EML5: variants seen among roughly 807,000 people sequenced by gnomAD.
The protein encoded by EML5 is EMAP like 5, also known as echinoderm microtubule-associated protein-like 5.
Under a neutral mutation model 250.0 loss-of-function variants are expected in EML5, and 120 were observed. That is an observed-to-expected ratio of 0.48 (90% CI 0.41 to 0.56). The LOEUF (loss-of-function observed/expected upper bound fraction) is 0.56, where lower values mean the gene tolerates loss of function less well. Ranked by LOEUF, EML5 falls within the 20% of genes least tolerant of loss-of-function variation. The probability of loss-of-function intolerance (pLI) is 0.00; values close to 1 mark genes in which losing one functional copy is unlikely to be tolerated. For synonymous variants in EML5, 771 were observed against 806.5 expected (o/e 0.96, Z 0.75); for missense variants, 2,006 against 2,437.6 (o/e 0.82, Z 3.73).
At chr14:88,685,180 G>A (rs2092804029) in intron 19 of EML5, 38 bp from the exon 20 acceptor site, 5 of 1,556,176 alleles carry the variant, frequency 3.2e-6, no homozygotes, top group African/African-American at 1.4e-5. Context: ...TAGACATACA[G>A]TTACTATAAT....
At chr14:88,721,327 G>A (rs1441704106) in intron 8 of EML5, among the ~76,000 whole-genome samples, 1 of 152,112 alleles carries the variant, frequency 6.6e-6, no homozygotes, top group Non-Finnish European at 1.5e-5. Context: ...TAAGCAAAAA[G>A]AACAAGGCAG....
At chr14:88,775,104 G>C (rs1474465141) in intron 1 of EML5, among the ~76,000 whole-genome samples, 1 of 150,344 alleles carries the variant, frequency 6.7e-6, no homozygotes, top group Non-Finnish European at 1.5e-5. Context: ...TGAATAACCA[G>C]TAGCAATACC....
intron 25 of EML5, 64 bp downstream of exon 25, chr14:88,661,590 C>T: frequency 7.0e-7 from 1 of 1,419,912 alleles, no homozygotes; most frequent in East Asian, 2.4e-5. Context: ...AGTGCTATGA[C>T]AGGACATTAC....
intron 41 of EML5, chr14:88,617,150 C>CTTT (rs1358683137): frequency 1.6e-5 from 3 of 185,012 alleles, no homozygotes; most frequent in Non-Finnish European, 3.3e-5. Context: ...ACTATTTTTT[C>CTTT]TTTTTTTTTT....
chr14:88,697,302 A>G (rs1046399645), intron 14 of EML5, among the ~76,000 whole-genome samples: 1 of 152,210 alleles, frequency 6.6e-6, no homozygotes, highest in Non-Finnish European at 1.5e-5. Flanking sequence ...CTCACTGGAA[A>G]AACAGGACAT....
At chr14:88,710,361 G>C (rs1736274053) in intron 10 of EML5, among the ~76,000 whole-genome samples, 1 of 152,054 alleles carries the variant, frequency 6.6e-6, no homozygotes, top group Non-Finnish European at 1.5e-5. Flanking sequence ...ATTATTTAAA[G>C]TCCACATTTT....
At chr14:88,694,193 G>A in intron 17 of EML5, 114 bp downstream of exon 17, 2 of 673,504 alleles carry the variant, frequency 3.0e-6, no homozygotes, top group East Asian at 2.8e-5. Flanking sequence ...TTCTCCTAGT[G>A]TTCCTGCTCT....
chr14:88,717,444 C>T (rs1032324151), intron 8 of EML5, among the ~76,000 whole-genome samples: 5 of 152,104 alleles, frequency 3.3e-5, no homozygotes, highest in African/African-American at 1.2e-4. Context: ...CCAGTCAAAT[C>T]ACTGATTTGG....
At chr14:88,640,553 A>G (rs1237668790) in intron 31 of EML5, among the ~76,000 whole-genome samples, 1 of 152,230 alleles carries the variant, frequency 6.6e-6, no homozygotes, top group Non-Finnish European at 1.5e-5. Flanking sequence ...TAGCAAAAGC[A>G]TGTTAAATGT....
chr14:88,725,307 T>G (rs1039656106), intron 8 of EML5, among the ~76,000 whole-genome samples: 6 of 152,126 alleles, frequency 3.9e-5, no homozygotes. Flanking sequence ...AATGTGAAGT[T>G]TATATATTAT....
intron 23 of EML5, 32 bp downstream of exon 23, chr14:88,664,459 CTT>C (rs759052660): frequency 6.5e-7 from 1 of 1,549,962 alleles, no homozygotes; most frequent in Admixed American, 2.1e-5. Context: ...TCAAATGAAA[CTT>C]TTATCAAGTA....
At chr14:88,666,058 A>C (rs543658513) in intron 21 of EML5, among the ~76,000 whole-genome samples, 3 of 152,358 alleles carry the variant, frequency 2.0e-5, no homozygotes, top group African/African-American at 7.2e-5. Context: ...TGAATACAAC[A>C]AAAGCAAGTA....
At chr14:88,785,744 G>A (rs2140844791) in intron 1 of EML5, among the ~76,000 whole-genome samples, 1 of 152,150 alleles carries the variant, frequency 6.6e-6, no homozygotes, top group South Asian at 2.1e-4. Context: ...TACCACCCCA[G>A]TCCAAGCCAC....
chr14:88,697,490 A>T (rs1252379712), intron 14 of EML5, among the ~76,000 whole-genome samples: 1 of 152,156 alleles, frequency 6.6e-6, no homozygotes, highest in African/African-American at 2.4e-5. Flanking sequence ...GGGTTAAAGT[A>T]CCAAGCATGT....
chr14:88,634,584 C>T, intron 32 of EML5, 95 bp from the exon 33 acceptor site: 1 of 687,820 alleles, frequency 1.5e-6, no homozygotes. Flanking sequence ...CTATTATATA[C>T]AAAATTGGTT....
intron 41 of EML5, chr14:88,617,997 A>C (rs566184672): frequency 1.2e-4 from 31 of 264,122 alleles, no homozygotes; most frequent in African/African-American, 1.7e-4. Flanking sequence ...TTAAAGTTAA[A>C]ACTTTGATTT....
intron 36 of EML5, 105 bp from the exon 37 acceptor site, chr14:88,622,823 C>T: frequency 4.8e-6 from 3 of 622,348 alleles, no homozygotes; most frequent in Non-Finnish European, 5.0e-6. Context: ...TTTAAAAAGG[C>T]CCTGATATTT....
intron 21 of EML5, among the ~76,000 whole-genome samples, chr14:88,667,040 G>C (rs1160191620): frequency 6.6e-6 from 1 of 151,982 alleles, no homozygotes; most frequent in African/African-American, 2.4e-5. Context: ...ACTGGATGTG[G>C]GGTGAAAGGC....
At chr14:88,665,742 GGTAA>G (rs1053439045) in intron 21 of EML5, among the ~76,000 whole-genome samples, 5 of 152,002 alleles carry the variant, frequency 3.3e-5, no homozygotes, top group Non-Finnish European at 7.4e-5. Context: ...AGGGAAGACA[GGTAA>G]GTAAGTAAAT....
Sources: gnomAD v4.1 joint callset for allele counts (sites outside exome capture counted in the v4.1 genomes callset) on GRCh38, gnomAD v4.1.1 for gene constraint, MANE v1.5 for transcripts, NCBI Gene and HGNC (gene_info 2026-07-23, HGNC 2026-07-21) for gene names.